PTPN14: variants seen among roughly 807,000 people sequenced by gnomAD.
PTPN14 encodes the protein tyrosine-protein phosphatase non-receptor type 14.
PTPN14 carries 53 observed loss-of-function variants against 126.8 expected under a neutral mutation model. That is an observed-to-expected ratio of 0.42 (90% confidence interval 0.34 to 0.53). The LOEUF (loss-of-function observed/expected upper bound fraction) is 0.53. Among genes scored for constraint, PTPN14 ranks in the 20% least tolerant of loss-of-function variants. The probability of loss-of-function intolerance (pLI) is 0.08; values close to 1 mark genes in which losing one functional copy is unlikely to be tolerated. For synonymous variants in PTPN14, 630 were observed against 599.3 expected, an observed-to-expected ratio of 1.05 and a Z score of -0.75; for missense variants, 1,257 against 1,552.9, an observed-to-expected ratio of 0.81 and a Z score of 3.20.
At chr1:214,468,919 T>C (rs1284191859) in intron 1 of PTPN14, among the ~76,000 whole-genome samples, 3 of 152,194 alleles carry the variant, frequency 2.0e-5, no homozygotes, top group African/African-American at 7.2e-5. Context: ...CTAGCTTATG[T>C]TAAAAATATC....
At chr1:214,498,433 G>T (rs1654600938) in intron 1 of PTPN14, among the ~76,000 whole-genome samples, 1 of 152,156 alleles carries the variant, frequency 6.6e-6, no homozygotes, top group Non-Finnish European at 1.5e-5. Context: ...ATGTAAGAGA[G>T]AAAGGGCAAG....
intron 1 of PTPN14, among the ~76,000 whole-genome samples, chr1:214,476,231 C>T (rs1221384455): frequency 2.0e-5 from 3 of 152,176 alleles, no homozygotes; most frequent in African/African-American, 7.2e-5. Flanking sequence ...CTGAGCATGT[C>T]GCATAGAACC....
chr1:214,445,042 A>G (rs566990104), intron 3 of PTPN14, among the ~76,000 whole-genome samples: 1 of 152,226 alleles, frequency 6.6e-6, no homozygotes, highest in Non-Finnish European at 1.5e-5. Flanking sequence ...TATCTTTAAC[A>G]TTTAAGAATG....
intron 1 of PTPN14, among the ~76,000 whole-genome samples, chr1:214,520,047 CAAAA>C (rs1183768381): frequency 2.5e-5 from 2 of 80,768 alleles, no homozygotes; most frequent in Non-Finnish European, 4.2e-5. Context: ...AACCCTGTCT[CAAAA>C]AAAAAAAAAA....
intron 1 of PTPN14, among the ~76,000 whole-genome samples, chr1:214,526,300 G>A (rs901346142): frequency 2.4e-4 from 37 of 152,022 alleles, no homozygotes; most frequent in African/African-American, 8.0e-4. Flanking sequence ...CCTGGGTAGC[G>A]TTTTTAGACA....
chr1:214,377,928 A>T (rs1314910689), intron 14 of PTPN14, 31 bp downstream of exon 14: 1 of 1,602,160 alleles, frequency 6.2e-7, no homozygotes, highest in Admixed American at 1.7e-5. Flanking sequence ...GACTACAGAG[A>T]ATGAGTCACA....
At chr1:214,429,143 T>C (rs774657397) in intron 3 of PTPN14, among the ~76,000 whole-genome samples, 6 of 152,226 alleles carry the variant, frequency 3.9e-5, no homozygotes, top group Non-Finnish European at 8.8e-5. Context: ...ACCATGCTTA[T>C]AGACAGGATG....
intron 1 of PTPN14, among the ~76,000 whole-genome samples, chr1:214,477,166 G>A (rs72759606): frequency 0.027 from 4,144 of 152,202 alleles, 72 homozygotes; most frequent in Middle Eastern, 0.075. Flanking sequence ...AGTGTATAAC[G>A]CAATCACTTC....
chr1:214,540,275 T>C (rs1228975311), intron 1 of PTPN14, among the ~76,000 whole-genome samples: 2 of 152,142 alleles, frequency 1.3e-5, no homozygotes, highest in Non-Finnish European at 2.9e-5. Context: ...ACCTTCATCA[T>C]TTAAAGCACA....
chr1:214,422,567 C>T (rs1659566582), intron 3 of PTPN14, among the ~76,000 whole-genome samples: 1 of 152,184 alleles, frequency 6.6e-6, no homozygotes, highest in African/African-American at 2.4e-5. Context: ...GAAAAGGGAA[C>T]TCAAATTATA....
Position 214,383,881 on chromosome 1 carries a change from G to T in PTPN14, c.1974C>A (p.Leu658=), listed in dbSNP as rs769091628. The part of the protein sequence containing the change: ...SMVRGMEAMT[L]KSLHLPMARR... ...GAGCCATGGGGAGGTGGAGCGACTTGAGCGTCATGGCCTCCATGCCCCGCA... is the reference window on the plus strand; with the variant it reads ...GAGCCATGGGGAGGTGGAGCGACTTTAGCGTCATGGCCTCCATGCCCCGCA... The change falls in exon 13 of 19, where the codon CTC becomes CTA. Residue 658 remains leucine (L), a synonymous_variant. Transcript: ENST00000366956. This position sits in a 1 kb window ranked among gnomAD's most constrained non-coding sequence, Gnocchi z 4.4. 6.2e-7 allele frequency: 1 copy of T among 1,613,156 alleles called. No homozygotes were observed. The highest frequency in any genetic ancestry group is 8.5e-7 in the Non-Finnish European group (1 of 1,179,990).
intron 3 of PTPN14, among the ~76,000 whole-genome samples, chr1:214,422,578 T>G (rs765059963): frequency 2.0e-5 from 3 of 152,136 alleles, no homozygotes; most frequent in Non-Finnish European, 4.4e-5. Flanking sequence ...TCAAATTATA[T>G]CTGGAAGCCG....
At chr1:214,448,534 G>A (rs61271474) in intron 3 of PTPN14, among the ~76,000 whole-genome samples, 63,558 of 151,684 alleles carry the variant, frequency 0.42, 13,441 homozygotes, top group East Asian at 0.53. Flanking sequence ...GTGAGCCACC[G>A]TGTGTCAGAC....
intron 1 of PTPN14, among the ~76,000 whole-genome samples, chr1:214,507,830 T>C (rs1654878859): frequency 6.6e-6 from 1 of 152,142 alleles, no homozygotes; most frequent in Non-Finnish European, 1.5e-5. Context: ...AAAAAGCCAA[T>C]GTTACCTTAA....
At chr1:214,480,408 A>G (rs1159839868) in intron 1 of PTPN14, among the ~76,000 whole-genome samples, 3 of 152,254 alleles carry the variant, frequency 2.0e-5, no homozygotes, top group African/African-American at 4.8e-5. Flanking sequence ...TTACTGGGTT[A>G]CCTTAAGCAT....
intron 1 of PTPN14, among the ~76,000 whole-genome samples, chr1:214,477,098 C>G (rs146822764): frequency 6.6e-6 from 1 of 152,288 alleles, no homozygotes; most frequent in African/African-American, 2.4e-5. Flanking sequence ...CAACAGGGTG[C>G]CCAGTGGGTT....
rs1558070067 is a variant in PTPN14 at position 214,364,807 on chromosome 1, T to TGTGTC, written c.3272-133_3272-132insGACAC. 2 of 344,470 alleles carry TGTGTC rather than the reference T, an allele frequency of 5.8e-6. No homozygotes were observed. Among genetic ancestry groups the TGTGTC allele is most frequent in the Non-Finnish European group, 8.5e-6 (2 of 235,078 alleles). The allele number at this position is 344,470 out of a possible 1,614,324, so 21.3% of individuals were successfully genotyped here. On this transcript the variant is annotated intron_variant, in intron 17 of 18. Transcript: ENST00000366956. This position sits in a 1 kb window ranked among gnomAD's most constrained non-coding sequence, Gnocchi z 4.1. ...TGTGTGTGTGTGTGTGTGTGTGTGT[T>TGTGTC]TTAAGTGACAATAATTTATAGTTCT...
intron 1 of PTPN14, among the ~76,000 whole-genome samples, chr1:214,492,135 T>C (rs1239668645): frequency 6.6e-6 from 1 of 151,776 alleles, no homozygotes; most frequent in African/African-American, 2.4e-5. Flanking sequence ...ATTCATTTAA[T>C]GAAGACACAT....
chr1:214,401,427 G>A (rs1000414124), intron 7 of PTPN14, among the ~76,000 whole-genome samples: 3 of 152,164 alleles, frequency 2.0e-5, no homozygotes, highest in Non-Finnish European at 2.9e-5. Flanking sequence ...TACCTCCAAG[G>A]TGCCGGATTG....
Sources: gnomAD v4.1 joint callset for allele counts (sites outside exome capture counted in the v4.1 genomes callset) on GRCh38, gnomAD v4.1.1 for gene constraint, Gnocchi (gnomAD v3.1) non-coding constraint, MANE v1.5 for transcripts, NCBI Gene and HGNC (gene_info 2026-07-23, HGNC 2026-07-21) for gene names.